Variants in GRID2 observed in about 807,000 individuals in gnomAD.
The protein encoded by GRID2 is glutamate receptor ionotropic, delta-2.
GRID2 carries 33 observed loss-of-function variants against 114.8 expected under a neutral mutation model. The ratio of observed to expected loss-of-function variants is 0.29; its 90% CI spans 0.22 to 0.38. The LOEUF is 0.38. Among genes scored for constraint, GRID2 ranks in the 10% least tolerant of loss-of-function variants. GRID2 has a pLI of 1.00. For missense variants in GRID2, 1,184 were observed against 1,257.7 expected (o/e 0.94, Z 0.89); for synonymous variants, 505 against 449.9 (o/e 1.12, Z -1.55).
At chr4:93,620,294 T>C (rs2149681609) in intron 13 of GRID2, among the ~76,000 whole-genome samples, 1 of 152,316 alleles carries the variant, frequency 6.6e-6, no homozygotes, top group African/African-American at 2.4e-5. Flanking sequence ...CCACTGAATG[T>C]TTTTTAATAA....
chr4:92,598,916 G>A (rs1729073549), intron 2 of GRID2, among the ~76,000 whole-genome samples: 1 of 151,822 alleles, frequency 6.6e-6, no homozygotes, highest in Admixed American at 6.6e-5. Flanking sequence ...GGATACCTCT[G>A]AGCCTAACCT....
chr4:92,868,394 C>T (rs1745054103), intron 2 of GRID2, among the ~76,000 whole-genome samples: 2 of 152,062 alleles, frequency 1.3e-5, no homozygotes, highest in Admixed American at 6.6e-5. Context: ...GGTTCCCTAC[C>T]AGACGCAGCT....
chr4:92,729,867 G>T (rs1736249733), intron 2 of GRID2, among the ~76,000 whole-genome samples: 1 of 151,700 alleles, frequency 6.6e-6, no homozygotes, highest in South Asian at 2.1e-4. Context: ...CATTGTTTTG[G>T]GTTTCCCATG....
At chr4:92,567,482 C>A (rs1245156559) in intron 1 of GRID2, among the ~76,000 whole-genome samples, 1 of 151,976 alleles carries the variant, frequency 6.6e-6, no homozygotes, top group Admixed American at 6.6e-5. Flanking sequence ...TTCGTCATAT[C>A]TTAATTCAAG....
At chr4:92,763,282 G>A (rs1226581765) in intron 2 of GRID2, among the ~76,000 whole-genome samples, 2 of 152,042 alleles carry the variant, frequency 1.3e-5, no homozygotes, top group Admixed American at 6.6e-5. Flanking sequence ...TATGCACAAA[G>A]CCCTTATCCT....
chr4:93,658,489 G>A (rs1972860), intron 14 of GRID2, among the ~76,000 whole-genome samples: 60,574 of 151,876 alleles, frequency 0.4, 13,191 homozygotes, highest in East Asian at 0.59. Flanking sequence ...TGCAACTACC[G>A]TGTTTTACAA....
rs112358634 is a variant in GRID2, at chr4:92,813,657, C to T, written c.244+223371C>T. Reference sequence around the variant, plus strand: ...TTTAACTTCAGTACAGACACACGCACGCACACACACACACATATACTCACA... The same window carrying T: ...TTTAACTTCAGTACAGACACACGCATGCACACACACACACATATACTCACA... On this transcript the variant is annotated intron_variant, in intron 2 of 15. Transcript: ENST00000282020. Among the ~76,000 whole-genome samples, 1,001 of 152,028 alleles carry T rather than the reference C, an allele frequency of 6.6e-3. 18 individuals are homozygous for T. Among genetic ancestry groups the T allele is most frequent in the African/African-American group, 0.022 (931 of 41,512 alleles).
chr4:92,971,952 G>T (rs761490575), intron 2 of GRID2, among the ~76,000 whole-genome samples: 2 of 152,144 alleles, frequency 1.3e-5, no homozygotes, highest in Non-Finnish European at 2.9e-5. Context: ...TTAACACTTA[G>T]GTTGACTCCA....
At position 92,944,256 on chromosome 4, in the gene GRID2, C is replaced by G. The variant is rs1248731349; in HGVS notation, c.245-140739C>G. Among the ~76,000 whole-genome samples, 2 of 152,332 alleles carry G rather than the reference C, an allele frequency of 1.3e-5. 1 individual carries two copies. Among genetic ancestry groups the G allele is most frequent in the South Asian group, 4.1e-4 (2 of 4,832 alleles). On this transcript the variant is annotated intron_variant, in intron 2 of 15. Coordinates refer to ENST00000282020, the MANE Select transcript of GRID2 (RefSeq NM_001510.4). ...CAATTTTGGCCGCTTTGTTTACCTA[C>G]TCAAGCCTGGGCAATTGTGGGTGCC...
Position 93,489,255 on chromosome 4 carries a change from G to A in GRID2, c.1859-1384G>A, listed in dbSNP as rs573919715. 7.2e-5 allele frequency among the ~76,000 whole-genome samples: 11 copies of A among 151,914 alleles called. No homozygotes were observed. In the South Asian group the frequency reaches 1.7e-3, roughly 23 times the overall value. On this transcript the variant is annotated intron_variant, in intron 11 of 15. Transcript: ENST00000282020. ...AAACCTGAAAAAATTGAAGGAAGACGGAATTTATGAATTATAGAGGAGAAA... is the reference window on the plus strand; with the variant it reads ...AAACCTGAAAAAATTGAAGGAAGACAGAATTTATGAATTATAGAGGAGAAA...
At chr4:92,532,251 G>A (rs13103707) in intron 1 of GRID2, among the ~76,000 whole-genome samples, 33,217 of 152,132 alleles carry the variant, frequency 0.22, 3,921 homozygotes, top group South Asian at 0.29. Flanking sequence ...ACAGGGAAGT[G>A]CAGGATCACA....
chr4:93,131,145 ATT>A lies in GRID2; in HGVS notation c.735+20215_735+20216del, dbSNP rs34215461. The stretch of plus-strand genomic sequence containing the variant: ...AGAACTTCCATGAAAAGATTAAATA[ATT>A]TTTTTTTTTTTTTTTTTTTTTTGGT... On this transcript the variant is annotated intron_variant, in intron 4 of 15. Transcript: ENST00000282020. Among the ~76,000 whole-genome samples, 305 of 88,630 alleles carry A rather than the reference ATT, an allele frequency of 3.4e-3. 4 individuals are homozygous for A. Among genetic ancestry groups the A allele is most frequent in the Admixed American group, 5.2e-3 (36 of 6,972 alleles). 58.1% of individuals were successfully genotyped at this position (88,630 alleles called of 152,430 possible).
chr4:93,637,138 A>G (rs1436447056), intron 14 of GRID2, among the ~76,000 whole-genome samples: 1 of 152,184 alleles, frequency 6.6e-6, no homozygotes, highest in Non-Finnish European at 1.5e-5. Flanking sequence ...ATGTAGCACA[A>G]AGATGAATAG....
intron 2 of GRID2, among the ~76,000 whole-genome samples, chr4:93,001,901 A>G (rs1165019664): frequency 6.6e-6 from 1 of 151,732 alleles, no homozygotes; most frequent in African/African-American, 2.4e-5. Context: ...TCACAAAATT[A>G]TAAAGGATAG....
chr4:93,222,430 A>G (rs1345571132), intron 6 of GRID2, among the ~76,000 whole-genome samples: 2 of 151,398 alleles, frequency 1.3e-5, no homozygotes, highest in East Asian at 3.9e-4. Flanking sequence ...ATAGTGAGGG[A>G]TGCTACCCCA....
chr4:93,801,263 A>G (rs1437571139), intron 1 of GRID2, among the ~76,000 whole-genome samples: 1 of 152,086 alleles, frequency 6.6e-6, no homozygotes, highest in African/African-American at 2.4e-5. Flanking sequence ...TTTAAAATAA[A>G]AGGTGTATTT....
At chr4:92,763,672 C>T (rs111590404) in intron 2 of GRID2, among the ~76,000 whole-genome samples, 2 of 152,020 alleles carry the variant, frequency 1.3e-5, no homozygotes, top group African/African-American at 4.8e-5. Flanking sequence ...GTAGGATGAT[C>T]ATAGAATGCA....
chr4:93,162,945 A>G (rs1488396628), intron 4 of GRID2, among the ~76,000 whole-genome samples: 1 of 151,956 alleles, frequency 6.6e-6, no homozygotes, highest in East Asian at 1.9e-4. Flanking sequence ...ACACAGGAAT[A>G]AAAGCACTTA....
At chr4:93,552,038 C>T (rs1292925219) in intron 13 of GRID2, among the ~76,000 whole-genome samples, 1 of 134,724 alleles carries the variant, frequency 7.4e-6, no homozygotes, top group Non-Finnish European at 1.6e-5. Flanking sequence ...CCCTCCCCCA[C>T]CCCACAACAG....
Sources: allele counts gnomAD v4.1 joint callset (sites outside exome capture counted in the v4.1 genomes callset), GRCh38; gene constraint gnomAD v4.1.1; transcripts MANE v1.5; gene names NCBI Gene and HGNC (gene_info 2026-07-23, HGNC 2026-07-21).